Variants in NRCAM observed in about 807,000 individuals in gnomAD.
The protein encoded by NRCAM is NgCAM-related cell adhesion molecule.
NRCAM carries 83 observed loss-of-function variants against 156.5 expected under a neutral mutation model. The ratio of observed to expected loss-of-function variants is 0.53; its 90% CI spans 0.44 to 0.64. The LOEUF (loss-of-function observed/expected upper bound fraction) is 0.64. Among genes scored for constraint, NRCAM ranks in the 30% least tolerant of loss-of-function variants. The probability of loss-of-function intolerance (pLI) is 0.00; values close to 1 mark genes in which losing one functional copy is unlikely to be tolerated. For synonymous variants in NRCAM, 538 were observed against 563.9 expected, an observed-to-expected ratio of 0.95 and a Z score of 0.65; for missense variants, 1,417 against 1,597.3, an observed-to-expected ratio of 0.89 and a Z score of 1.92.
At chr7:108,175,232 A>G in intron 28 of NRCAM, 90 bp downstream of exon 28, 5 of 980,588 alleles carry the variant, frequency 5.1e-6, no homozygotes, top group South Asian at 1.9e-5. Context: ...TTCAAAGCAT[A>G]TTTTCTCTGT....
chr7:108,322,149 A>G (rs1282106326), intron 2 of NRCAM, among the ~76,000 whole-genome samples: 1 of 150,740 alleles, frequency 6.6e-6, no homozygotes, highest in Non-Finnish European at 1.5e-5. Context: ...AAGACTAGAC[A>G]TTTCGTTTTT....
intron 2 of NRCAM, among the ~76,000 whole-genome samples, chr7:108,324,939 C>T (rs75615131): frequency 0.01 from 1,335 of 131,020 alleles, 27 homozygotes; most frequent in African/African-American, 0.036. Context: ...TCAGACACCA[C>T]GTACCAGGCA....
chr7:108,255,451 G>A (rs1170124277), intron 3 of NRCAM, among the ~76,000 whole-genome samples: 1 of 152,212 alleles, frequency 6.6e-6, no homozygotes, highest in African/African-American at 2.4e-5. Flanking sequence ...TGCAGACGGA[G>A]TCTCGCTCAC....
intron 2 of NRCAM, among the ~76,000 whole-genome samples, chr7:108,328,162 G>A (rs931581834): frequency 2.0e-4 from 31 of 152,072 alleles, no homozygotes; most frequent in African/African-American, 6.5e-4. Context: ...GTTGCCCCAC[G>A]AAAGTTCCTC....
In NRCAM at chr7:108,216,716, C is replaced by T. The variant is rs554355544; in HGVS notation, c.890+7009G>A. Among the ~76,000 whole-genome samples the T allele has an allele frequency of 2.3e-4, 35 of 152,240 alleles. No individual in the cohort carries two copies. The South Asian group carries it at 7.3e-3, about 32-fold the overall frequency. ...CACTTGTTTGATTCAGCTATCAATA[C>T]TTGTGTATGCGTCACGAAGTTCTCG... On this transcript the variant is annotated intron_variant, in intron 11 of 32. Coordinates refer to ENST00000379028, the MANE Select transcript of NRCAM (RefSeq NM_001037132.4).
chr7:108,441,368 A>T (rs1358271129), intron 1 of NRCAM, among the ~76,000 whole-genome samples: 1 of 152,218 alleles, frequency 6.6e-6, no homozygotes, highest in Non-Finnish European at 1.5e-5. Context: ...GATTGCTCAA[A>T]GAACTTTAGA....
At chr7:108,179,440 G>C (rs566429426) in intron 25 of NRCAM, among the ~76,000 whole-genome samples, 4 of 152,328 alleles carry the variant, frequency 2.6e-5, no homozygotes, top group African/African-American at 9.6e-5. Context: ...ATCAAAAAGA[G>C]CTAAGCAAGC....
chr7:108,217,451 C>A (rs1218861451), intron 11 of NRCAM, among the ~76,000 whole-genome samples: 2 of 152,210 alleles, frequency 1.3e-5, no homozygotes, highest in African/African-American at 4.8e-5. Flanking sequence ...GAGCACTGTG[C>A]TGGGAGATCT....
chr7:108,291,271 G>T (rs950031514), intron 3 of NRCAM, among the ~76,000 whole-genome samples: 2 of 151,960 alleles, frequency 1.3e-5, no homozygotes, highest in Non-Finnish European at 2.9e-5. Context: ...CTACTTAATT[G>T]GACTCCCTTC....
At chr7:108,203,891 C>T (rs1463206956) in intron 13 of NRCAM, among the ~76,000 whole-genome samples, 4 of 152,188 alleles carry the variant, frequency 2.6e-5, no homozygotes, top group Non-Finnish European at 4.4e-5. Flanking sequence ...TCACTTCTGG[C>T]GCCTATGCTA....
At chr7:108,188,823 T>C (rs1288927235) in intron 20 of NRCAM, among the ~76,000 whole-genome samples, 1 of 24,154 alleles carries the variant, frequency 4.1e-5, no homozygotes, top group Non-Finnish European at 1.4e-4. Flanking sequence ...AGTGGAAATA[T>C]TCTACTTTAC....
chr7:108,190,055 G>A (rs1410981931), intron 19 of NRCAM, among the ~76,000 whole-genome samples: 2 of 152,086 alleles, frequency 1.3e-5, no homozygotes, highest in African/African-American at 4.8e-5. Flanking sequence ...AAACATGAAT[G>A]GGCACAAACA....
In NRCAM at chr7:108,440,437, T is replaced by C. The variant is rs533364153; in HGVS notation, c.-332+15806A>G. On this transcript the variant is annotated intron_variant, in intron 1 of 32. Transcript: ENST00000379028. ...AGGAACTGATCCAACAGAAAAAAAGTTTTCTACATTCATCAACCATACCCT... is the reference window on the plus strand; with the variant it reads ...AGGAACTGATCCAACAGAAAAAAAGCTTTCTACATTCATCAACCATACCCT... Among the ~76,000 whole-genome samples the C allele has an allele frequency of 3.3e-5, 5 of 152,228 alleles. No homozygotes were observed. In the East Asian group the frequency reaches 9.6e-4, roughly 29 times the overall value.
intron 2 of NRCAM, among the ~76,000 whole-genome samples, chr7:108,398,682 CTAGGAAGCCTGCTTT>C (rs1216782135): frequency 6.6e-6 from 1 of 152,200 alleles, no homozygotes; most frequent in African/African-American, 2.4e-5. Context: ...GACACCTCCT[CTAGGAAGCCTGCTTT>C]TACACACAGC....
intron 25 of NRCAM, among the ~76,000 whole-genome samples, chr7:108,178,857 A>G (rs2153233745): frequency 6.6e-6 from 1 of 152,186 alleles, no homozygotes. Flanking sequence ...CACTCTCCCT[A>G]TTGTCACTCT....
intron 1 of NRCAM, among the ~76,000 whole-genome samples, chr7:108,425,784 T>C (rs564631547): frequency 6.6e-6 from 1 of 152,336 alleles, no homozygotes; most frequent in East Asian, 1.9e-4. Context: ...AGATTAACTG[T>C]TGACACTGTA....
intron 2 of NRCAM, among the ~76,000 whole-genome samples, chr7:108,381,998 A>G (rs1365588484): frequency 6.6e-6 from 1 of 152,218 alleles, no homozygotes; most frequent in Non-Finnish European, 1.5e-5. Context: ...CAATCAATAA[A>G]TAGACTTCAC....
intron 3 of NRCAM, among the ~76,000 whole-genome samples, chr7:108,269,541 G>A (rs78114658): frequency 0.02 from 3,085 of 152,202 alleles, 112 homozygotes; most frequent in African/African-American, 0.07. Flanking sequence ...GATGGGTGAC[G>A]GGGAAGGGGT....
chr7:108,262,866 T>C (rs1469673562), intron 3 of NRCAM, among the ~76,000 whole-genome samples: 2 of 152,224 alleles, frequency 1.3e-5, no homozygotes, highest in African/African-American at 4.8e-5. Flanking sequence ...CACGAAGCCT[T>C]TTGGCTTATC....
Sources: gnomAD v4.1 joint callset for allele counts (sites outside exome capture counted in the v4.1 genomes callset) on GRCh38, gnomAD v4.1.1 for gene constraint, MANE v1.5 for transcripts, NCBI Gene and HGNC (gene_info 2026-07-23, HGNC 2026-07-21) for gene names.